Variants in NFKBIZ observed in about 807,000 individuals in gnomAD.
The protein encoded by NFKBIZ is NF-kappa-B inhibitor zeta.
NFKBIZ carries 19 observed loss-of-function variants against 76.8 expected under a neutral mutation model. The observed-to-expected ratio is 0.25, with a 90% CI of 0.17 to 0.36. NFKBIZ has a LOEUF of 0.36. Among genes scored for constraint, NFKBIZ ranks in the 10% least tolerant of loss-of-function variants. The pLI is 1.00. For missense variants in NFKBIZ, 829 were observed against 910.9 expected, an observed-to-expected ratio of 0.91 and a Z score of 1.16; for synonymous variants, 368 against 354.8, an observed-to-expected ratio of 1.04 and a Z score of -0.42.
At chr3:101,838,635 C>T (rs909979962) in intron 2 of NFKBIZ, among the ~76,000 whole-genome samples, 1 of 152,240 alleles carries the variant, frequency 6.6e-6, no homozygotes, top group Non-Finnish European at 1.5e-5. Flanking sequence ...TAGTTGCCAA[C>T]TCCTGGCCTA....
At chr3:101,839,020 C>T (rs1942757122) in intron 2 of NFKBIZ, among the ~76,000 whole-genome samples, 1 of 151,964 alleles carries the variant, frequency 6.6e-6, no homozygotes, top group Admixed American at 6.6e-5. Context: ...TATCAGTGTT[C>T]CAAAGTATTA....
Position 101,849,673 on chromosome 3 carries a change from G to T in NFKBIZ, c.45G>T (p.Gly15=). The T allele has an allele frequency of 7.1e-7, 1 of 1,405,638 alleles. No homozygotes were observed. The allele number at this position is 1,405,638 out of a possible 1,614,324, so 87.1% of individuals were successfully genotyped here. The change falls in exon 1 of 12, where the codon GGG becomes GGT. Residue 15 remains glycine, a synonymous_variant. Transcript: ENST00000326172. ...KLLDDSRGGE[G]LRDAAGGCGL... ...TGGACGACAGCCGCGGCGGAGAGGG[G>T]CTGCGGGACGCGGCGGGCGGCTGCG...
intron 2 of NFKBIZ, among the ~76,000 whole-genome samples, chr3:101,830,670 G>T (rs915225700): frequency 6.6e-6 from 1 of 152,068 alleles, no homozygotes; most frequent in Non-Finnish European, 1.5e-5. Flanking sequence ...CTTTTTTATG[G>T]CTGTGTAGAT....
chr3:101,853,603 T>G lies in NFKBIZ; in HGVS notation c.1077T>G (p.Thr359=). The change falls in exon 5 of 12, where the codon ACT becomes ACG. Residue 359 remains threonine (T), a synonymous_variant. Coordinates refer to ENST00000326172, the MANE Select transcript of NFKBIZ (RefSeq NM_031419.4). ...AGAATATTGCTAATCCCATGCAGAC[T>G]TCCTCCAGTGTTCAGCAGCAAAATG... ...ESENIANPMQ[T]SSSVQQQNDA... 6.2e-7 allele frequency: 1 copy of G among 1,614,264 alleles called. No homozygotes were observed. The highest frequency in any genetic ancestry group is 2.2e-5 in the East Asian group (1 of 44,892).
chr3:101,856,384 T>C (rs1456489941), intron 9 of NFKBIZ, among the ~76,000 whole-genome samples: 1 of 152,218 alleles, frequency 6.6e-6, no homozygotes, highest in Non-Finnish European at 1.5e-5. Context: ...ATTTCATGTG[T>C]TTTCTTGATT....
intron 2 of NFKBIZ, among the ~76,000 whole-genome samples, chr3:101,835,844 A>G (rs190735222): frequency 2.6e-5 from 4 of 152,368 alleles, no homozygotes; most frequent in Admixed American, 2.6e-4. Flanking sequence ...CCAGGCACAG[A>G]CATTTAGCTT....
chr3:101,857,498 C>T (rs780905509), intron 11 of NFKBIZ, 39 bp downstream of exon 11: 16 of 1,610,754 alleles, frequency 9.9e-6, no homozygotes, highest in Admixed American at 3.3e-5. Context: ...TTTTTTGGCA[C>T]TGCAGTCTGA....
rs138164053 is a variant in NFKBIZ, at chr3:101,859,787, C to T, written c.*416C>T. 1,169 of 161,462 alleles carry T rather than the reference C, an allele frequency of 7.2e-3. 11 individuals are homozygous for T. Among genetic ancestry groups the T allele is most frequent in the African/African-American group, 0.021 (872 of 41,814 alleles). The allele number at this position is 161,462 out of a possible 1,614,324, so 10.0% of individuals were successfully genotyped here. On this transcript the variant is annotated 3_prime_UTR_variant, in exon 12 of 12. Transcript: ENST00000326172. Reference sequence around the variant, plus strand: ...AAAGGTAAATACAGCATTGAGGCTTCATTTGGCCTTAGTCCCTGGGAGTTA... The same window carrying T: ...AAAGGTAAATACAGCATTGAGGCTTTATTTGGCCTTAGTCCCTGGGAGTTA...
In NFKBIZ at chr3:101,857,445, C is replaced by T; in HGVS notation, c.2089C>T (p.Pro697Ser). The T allele has an allele frequency of 2.5e-6, 4 of 1,614,064 alleles. No homozygotes were observed. Among genetic ancestry groups the T allele is most frequent in the Non-Finnish European group, 3.4e-6 (4 of 1,180,028 alleles). The change falls in exon 11 of 12, where the codon CCT becomes TCT. Residue 697 changes from proline (P) to serine (S), a missense_variant. By Grantham distance (74) the Pro-to-Ser change is moderately conservative. Coordinates refer to ENST00000326172, the MANE Select transcript of NFKBIZ (RefSeq NM_031419.4). ...EQPVHLVPDG[P>S]VGEQIRRILK... ...GCCAGTGCATTTGGTTCCCGATGGC[C>T]CTGTGGGAGAACAGGTGAGAGGCAC...
chr3:101,854,555 G>T (rs771716780), intron 5 of NFKBIZ, 23 bp from the exon 6 acceptor site: 4 of 1,434,326 alleles, frequency 2.8e-6, no homozygotes, highest in Non-Finnish European at 3.9e-6. Flanking sequence ...TGATTCACCC[G>T]CTTTCCTTTC....
At position 101,843,926 on chromosome 3, in the gene NFKBIZ, C is replaced by T. The variant is rs1221355339; in HGVS notation, c.-11-8159C>T. On this transcript the variant is annotated intron_variant, in intron 2 of 12. Transcript: ENST00000394054. The stretch of plus-strand genomic sequence containing the variant: ...AGGAAGCTATCAAGCTCAAGGTGTC[C>T]AACAGAAGTTTCCCAAAATTGTAAT... Among the ~76,000 whole-genome samples, 4 of 152,170 alleles carry T rather than the reference C, an allele frequency of 2.6e-5. No individual in the cohort carries two copies. The South Asian group carries it at 8.3e-4, about 31-fold the overall frequency.
Position 101,852,885 on chromosome 3 carries a change from G to T in NFKBIZ, c.461-1G>T. 6.2e-7 allele frequency: 1 copy of T among 1,613,440 alleles called. No homozygotes were observed. Among genetic ancestry groups the T allele is most frequent in the Non-Finnish European group, 8.5e-7 (1 of 1,179,496 alleles). ...CAGAGGCTGTATTCCTTTGGGTACA[G>T]AATTGAAGAACACAGTATCATACAG... On this transcript the variant is annotated splice_acceptor_variant, in intron 3 of 11. Coordinates refer to ENST00000326172, the MANE Select transcript of NFKBIZ (RefSeq NM_031419.4). LOFTEE classifies it high-confidence loss of function.
intron 2 of NFKBIZ, among the ~76,000 whole-genome samples, chr3:101,830,698 A>G (rs1942636265): frequency 6.6e-6 from 1 of 151,368 alleles, no homozygotes; most frequent in Non-Finnish European, 1.5e-5. Context: ...GTGTATACGT[A>G]CCACATTTCC....
chr3:101,848,777 G>A (rs1373648944), upstream of NFKBIZ: 1 of 152,230 alleles, frequency 6.6e-6, no homozygotes, highest in Non-Finnish European at 1.5e-5. Context: ...CTTTGTTCTA[G>A]TATTGAAGGA....
intron 1 of NFKBIZ, among the ~76,000 whole-genome samples, chr3:101,828,531 G>A (rs945988251): frequency 5.3e-5 from 8 of 152,122 alleles, no homozygotes; most frequent in Admixed American, 1.3e-4. Context: ...GATATCCCGA[G>A]GCAGAAGTCT....
intron 9 of NFKBIZ, 123 bp downstream of exon 9, chr3:101,856,025 G>C (rs995467490): frequency 1.1e-6 from 1 of 886,210 alleles, no homozygotes; most frequent in Non-Finnish European, 1.7e-6. Context: ...GGTGTGAGTA[G>C]CAATGTATGG....
At chr3:101,842,620 TGCC>T (rs1942801258) in intron 2 of NFKBIZ, among the ~76,000 whole-genome samples, 1 of 151,052 alleles carries the variant, frequency 6.6e-6, no homozygotes, top group African/African-American at 2.4e-5. Context: ...GCTCTTCAGC[TGCC>T]ATTAGTGTTA....
At chr3:101,856,309 C>G (rs565962914) in intron 9 of NFKBIZ, among the ~76,000 whole-genome samples, 9 of 152,182 alleles carry the variant, frequency 5.9e-5, no homozygotes, top group Non-Finnish European at 1.2e-4. Context: ...CTCGGCCTCC[C>G]GAAGTGCTGG....
At position 101,860,220 on chromosome 3, in the gene NFKBIZ, C is replaced by A. The variant is rs565979986; in HGVS notation, c.*849C>A. ...CTCCCGAGACAGGGTCTTGCTCTGG[C>A]GCCCAGGCTGGAGTACAGTGGCATG... On this transcript the variant is annotated 3_prime_UTR_variant, in exon 12 of 12. Transcript: ENST00000326172. The A allele has an allele frequency of 2.7e-5, 4 of 150,586 alleles. No homozygotes were observed. The highest frequency in any genetic ancestry group is 5.9e-5 in the Non-Finnish European group (4 of 67,810). 9.3% of individuals were successfully genotyped at this position (150,586 alleles called of 1,614,324 possible). A position where few individuals can be genotyped will look rare whatever the true frequency, so the allele number is the denominator to read the frequency against.
Sources: gnomAD v4.1 joint callset for allele counts (sites outside exome capture counted in the v4.1 genomes callset) on GRCh38, gnomAD v4.1.1 for gene constraint, MANE v1.5 for transcripts, NCBI Gene and HGNC (gene_info 2026-07-23, HGNC 2026-07-21) for gene names.